Variants in DPYD observed in about 807,000 individuals in gnomAD.
DPYD encodes dihydropyrimidine dehydrogenase [NADP(+)].
Under a neutral mutation model 116.2 loss-of-function variants are expected in DPYD, and 109 were observed. The observed-to-expected ratio is 0.94, with a 90% CI of 0.80 to 1.10. DPYD has a LOEUF of 1.10. Among genes scored for constraint, DPYD ranks in the 50% least tolerant of loss-of-function variants. The probability of loss-of-function intolerance (pLI) is 0.00; values close to 1 mark genes in which losing one functional copy is unlikely to be tolerated. For missense variants in DPYD, 1,302 were observed against 1,254.5 expected, an observed-to-expected ratio of 1.04 and a Z score of -0.57; for synonymous variants, 440 against 432.0, an observed-to-expected ratio of 1.02 and a Z score of -0.23.
intron 20 of DPYD, among the ~76,000 whole-genome samples, chr1:97,120,054 C>T (rs1441723583): frequency 6.6e-6 from 1 of 152,092 alleles, no homozygotes; most frequent in African/African-American, 2.4e-5. Context: ...AAATAATTAT[C>T]CAGGCCCTTT....
At chr1:97,557,287 T>C (rs1651806491) in intron 11 of DPYD, among the ~76,000 whole-genome samples, 1 of 151,524 alleles carries the variant, frequency 6.6e-6, no homozygotes, top group African/African-American at 2.4e-5. Context: ...TTGCGAAAAT[T>C]TTCTATTCCC....
At chr1:97,658,420 TTATA>T (rs1386078357) in intron 8 of DPYD, among the ~76,000 whole-genome samples, 1 of 152,168 alleles carries the variant, frequency 6.6e-6, no homozygotes, top group African/African-American at 2.4e-5. Flanking sequence ...TTAGATTTGA[TTATA>T]TGTACATAGG....
chr1:97,728,304 CATGTCTAT>C (rs1663384142), intron 4 of DPYD, among the ~76,000 whole-genome samples: 1 of 152,022 alleles, frequency 6.6e-6, no homozygotes, highest in African/African-American at 2.4e-5. Context: ...GTATTTAAAG[CATGTCTAT>C]AGGCACGACA....
intron 16 of DPYD, among the ~76,000 whole-genome samples, chr1:97,310,926 G>T (rs547879570): frequency 8.0e-4 from 121 of 151,586 alleles, no homozygotes; most frequent in Admixed American, 3.0e-3. Context: ...ACAACAAAAA[G>T]AAACTAATGA....
intron 3 of DPYD, among the ~76,000 whole-genome samples, chr1:97,826,915 T>G (rs1669269000): frequency 6.6e-6 from 1 of 152,078 alleles, no homozygotes; most frequent in East Asian, 1.9e-4. Flanking sequence ...TAATATATTA[T>G]TCCTCTTTTT....
At chr1:97,793,489 T>A (rs973205426) in intron 3 of DPYD, among the ~76,000 whole-genome samples, 1 of 152,054 alleles carries the variant, frequency 6.6e-6, no homozygotes, top group Non-Finnish European at 1.5e-5. Context: ...ATGATACCAG[T>A]GTTAATATAG....
At chr1:97,755,612 T>A in intron 3 of DPYD, among the ~76,000 whole-genome samples, 1 of 152,176 alleles carries the variant, frequency 6.6e-6, no homozygotes, top group Non-Finnish European at 1.5e-5. Flanking sequence ...AACTGATCTC[T>A]CTTCTTTTAT....
At chr1:97,665,356 C>T (rs1659500066) in intron 8 of DPYD, among the ~76,000 whole-genome samples, 1 of 152,036 alleles carries the variant, frequency 6.6e-6, no homozygotes, top group South Asian at 2.1e-4. Context: ...AGTGATCATG[C>T]CTCCCATAAA....
intron 16 of DPYD, among the ~76,000 whole-genome samples, chr1:97,335,299 T>TACACACACACACACAC (rs35371362): frequency 1.2e-4 from 16 of 136,314 alleles, no homozygotes; most frequent in African/African-American, 4.2e-4. Context: ...TGGAGTTAAG[T>TACACACACACACACAC]ACACACACAC....
At chr1:97,191,331 C>T (rs1658346333) in intron 20 of DPYD, among the ~76,000 whole-genome samples, 1 of 152,094 alleles carries the variant, frequency 6.6e-6, no homozygotes, top group African/African-American at 2.4e-5. Flanking sequence ...TTGTTTTAGT[C>T]ATGTCAGCCT....
chr1:97,116,575 G>A (rs374829299), intron 20 of DPYD, among the ~76,000 whole-genome samples: 2 of 152,140 alleles, frequency 1.3e-5, no homozygotes, highest in African/African-American at 2.4e-5. Flanking sequence ...GGAAGGCTGA[G>A]GTGGAAGGAT....
In DPYD at chr1:97,095,865, A is replaced by C. The variant is rs537512047; in HGVS notation, c.2766+2624T>G. On this transcript the variant is annotated intron_variant, in intron 21 of 22. Coordinates refer to ENST00000370192, the MANE Select transcript of DPYD (RefSeq NM_000110.4). ...ACAGCATCTGCCTAGAAATGACAAC[A>C]GGTGGAATGAGTATGGACATTCTGG... 2.6e-5 allele frequency: 4 copies of C among 152,272 alleles called. No individual in the cohort carries two copies. In the South Asian group the frequency reaches 8.3e-4, roughly 32 times the overall value. The allele number at this position is 152,272 out of a possible 1,614,324, so 9.4% of individuals were successfully genotyped here.
chr1:97,358,158 C>A (rs74538697), intron 16 of DPYD, among the ~76,000 whole-genome samples: 5,772 of 152,318 alleles, frequency 0.038, 154 homozygotes, highest in East Asian at 0.072. Flanking sequence ...TATCCTGCGC[C>A]TGGCTCAGTG....
intron 16 of DPYD, among the ~76,000 whole-genome samples, chr1:97,343,703 T>G (rs1669700376): frequency 6.6e-6 from 1 of 152,068 alleles, no homozygotes; most frequent in South Asian, 2.1e-4. Flanking sequence ...GAGAATTTTT[T>G]TTAAAAAGCA....
At chr1:97,817,939 A>G (rs1313814551) in intron 3 of DPYD, among the ~76,000 whole-genome samples, 1 of 152,056 alleles carries the variant, frequency 6.6e-6, no homozygotes, top group Non-Finnish European at 1.5e-5. Context: ...CAAAGTCTGT[A>G]TCTAAAATGA....
chr1:97,566,596 C>A (rs376930090), intron 11 of DPYD, among the ~76,000 whole-genome samples: 9 of 152,200 alleles, frequency 5.9e-5, no homozygotes, highest in Middle Eastern at 3.4e-3. Flanking sequence ...TTAATCTGTT[C>A]TTTGAAACTT....
chr1:97,868,535 C>T (rs1453376867), intron 2 of DPYD, among the ~76,000 whole-genome samples: 2 of 151,918 alleles, frequency 1.3e-5, no homozygotes, highest in Non-Finnish European at 2.9e-5. Flanking sequence ...TGAGCATTTA[C>T]CATGTGCTAA....
intron 14 of DPYD, among the ~76,000 whole-genome samples, chr1:97,418,799 C>A (rs1674423624): frequency 6.6e-6 from 1 of 151,888 alleles, no homozygotes; most frequent in Non-Finnish European, 1.5e-5. Context: ...TGTTAGTTAC[C>A]AAAATGTGTT....
intron 3 of DPYD, among the ~76,000 whole-genome samples, chr1:97,745,786 T>C (rs930967350): frequency 5.9e-5 from 9 of 151,960 alleles, no homozygotes; most frequent in African/African-American, 1.7e-4. Context: ...GTGGAGGAAA[T>C]AACTAAAACA....
Sources: gnomAD v4.1 joint callset for allele counts (sites outside exome capture counted in the v4.1 genomes callset) on GRCh38, gnomAD v4.1.1 for gene constraint, MANE v1.5 for transcripts, NCBI Gene and HGNC (gene_info 2026-07-23, HGNC 2026-07-21) for gene names.